ROBO2: variants seen among roughly 807,000 people sequenced by gnomAD.
ROBO2 encodes the protein roundabout guidance receptor 2.
In ROBO2, 53 loss-of-function variants were observed where a neutral mutation model predicts 160.8. The observed-to-expected ratio is 0.33, with a 90% CI of 0.26 to 0.41. The LOEUF (loss-of-function observed/expected upper bound fraction) is 0.41, where lower values mean the gene tolerates loss of function less well. Among genes scored for constraint, ROBO2 ranks in the 10% least tolerant of loss-of-function variants. The pLI, the probability that ROBO2 is intolerant of heterozygous loss-of-function variation, is 1.00. For missense variants in ROBO2, 1,577 were observed against 1,722.4 expected (o/e 0.92, Z 1.49); for synonymous variants, 664 against 611.7 (o/e 1.09, Z -1.26).
chr3:76,137,698 A>G (rs1462455554), intron 2 of ROBO2, among the ~76,000 whole-genome samples: 1 of 151,806 alleles, frequency 6.6e-6, no homozygotes, highest in Non-Finnish European at 1.5e-5. Flanking sequence ...ATAGGACAGA[A>G]TCTTTATTAT....
In ROBO2 at chr3:76,159,839, T is replaced by C. The variant is rs1309291024; in HGVS notation, c.109+222237T>C. Among the ~76,000 whole-genome samples the C allele has an allele frequency of 1.1e-4, 17 of 152,210 alleles. No homozygotes were observed. In the South Asian group the frequency reaches 3.3e-3, roughly 30 times the overall value. On this transcript the variant is annotated intron_variant, in intron 2 of 26. Transcript: ENST00000487694. ...ATGTAGTCTTTTTTAGATTGTTAAC[T>C]AAAGAAAAATGGTGGCCTTTAAAGA...
intron 2 of ROBO2, among the ~76,000 whole-genome samples, chr3:76,042,226 G>T (rs946768742): frequency 6.6e-6 from 1 of 151,868 alleles, no homozygotes; most frequent in South Asian, 2.1e-4. Context: ...ACATAATTTT[G>T]AAGAAATGAA....
intron 2 of ROBO2, among the ~76,000 whole-genome samples, chr3:76,123,775 A>G (rs2070850584): frequency 1.3e-5 from 2 of 152,066 alleles, no homozygotes; most frequent in Non-Finnish European, 2.9e-5. Context: ...TCTCTGGTGT[A>G]TTAGCTTCGT....
intron 2 of ROBO2, among the ~76,000 whole-genome samples, chr3:76,485,195 A>G (rs967902232): frequency 3.9e-5 from 6 of 152,026 alleles, no homozygotes; most frequent in African/African-American, 1.2e-4. Context: ...ATAATGTACA[A>G]TCAGTCGGAG....
intron 2 of ROBO2, among the ~76,000 whole-genome samples, chr3:77,193,895 A>G (rs2082095188): frequency 6.6e-6 from 1 of 152,164 alleles, no homozygotes; most frequent in Non-Finnish European, 1.5e-5. Context: ...GTATAGTGCT[A>G]CTAGGAATTA....
At chr3:76,016,556 T>C (rs914839294) in intron 2 of ROBO2, among the ~76,000 whole-genome samples, 47 of 152,054 alleles carry the variant, frequency 3.1e-4, no homozygotes, top group African/African-American at 1.1e-3. Flanking sequence ...GAAAGAGTTA[T>C]GGATATTTAC....
chr3:76,393,971 T>C (rs1360717924), intron 2 of ROBO2, among the ~76,000 whole-genome samples: 2 of 152,158 alleles, frequency 1.3e-5, no homozygotes, highest in Non-Finnish European at 2.9e-5. Context: ...TCGTTTTCCA[T>C]TTGCTTGGTA....
At chr3:75,979,849 A>G (rs1465895283) in intron 2 of ROBO2, among the ~76,000 whole-genome samples, 1 of 151,578 alleles carries the variant, frequency 6.6e-6, no homozygotes, top group Non-Finnish European at 1.5e-5. Context: ...CCTTTAATCC[A>G]ATATTTAGGA....
chr3:76,820,496 A>G (rs2066028115), intron 2 of ROBO2, among the ~76,000 whole-genome samples: 2 of 151,968 alleles, frequency 1.3e-5, no homozygotes, highest in South Asian at 4.1e-4. Flanking sequence ...ATTTATAGCC[A>G]TCCTGGTAGG....
intron 2 of ROBO2, among the ~76,000 whole-genome samples, chr3:76,086,846 TAAAAAAGA>T (rs2069034584): frequency 1.3e-5 from 2 of 151,940 alleles, no homozygotes; most frequent in African/African-American, 4.8e-5. Context: ...ATGAAAATTA[TAAAAAAGA>T]ATCAAAAAGA....
At chr3:77,057,805 G>A (rs999601504) in intron 1 of ROBO2, among the ~76,000 whole-genome samples, 3 of 151,694 alleles carry the variant, frequency 2.0e-5, no homozygotes, top group Non-Finnish European at 4.4e-5. Context: ...TCCTGACCTC[G>A]TGATCCACCC....
At chr3:77,556,692 C>A (rs1197504040) in intron 8 of ROBO2, among the ~76,000 whole-genome samples, 1 of 151,840 alleles carries the variant, frequency 6.6e-6, no homozygotes, top group African/African-American at 2.4e-5. Flanking sequence ...GTATACATTG[C>A]AATACAAGGT....
intron 2 of ROBO2, among the ~76,000 whole-genome samples, chr3:76,822,000 T>C (rs952394092): frequency 2.6e-5 from 4 of 152,146 alleles, no homozygotes. Context: ...AGTTTTATGT[T>C]TCCAAATTAG....
At chr3:77,518,155 A>G (rs2090215933) in intron 5 of ROBO2, among the ~76,000 whole-genome samples, 1 of 151,480 alleles carries the variant, frequency 6.6e-6, no homozygotes, top group African/African-American at 2.4e-5. Flanking sequence ...TCATATATAG[A>G]AGATCTTCTA....
intron 2 of ROBO2, among the ~76,000 whole-genome samples, chr3:75,940,225 C>A (rs561278196): frequency 5.9e-5 from 9 of 152,138 alleles, no homozygotes; most frequent in African/African-American, 2.2e-4. Flanking sequence ...AGACAAAAAA[C>A]GATTTAACGA....
At chr3:77,445,860 A>G (rs2080451164) in intron 2 of ROBO2, among the ~76,000 whole-genome samples, 2 of 148,730 alleles carry the variant, frequency 1.3e-5, no homozygotes, top group South Asian at 2.1e-4. Context: ...AAACCACAGG[A>G]ATTCCATTTT....
intron 2 of ROBO2, among the ~76,000 whole-genome samples, chr3:77,263,804 T>C (rs2058938012): frequency 6.6e-6 from 1 of 152,206 alleles, no homozygotes; most frequent in Non-Finnish European, 1.5e-5. Flanking sequence ...TTTCTGTCTT[T>C]AAAGTTAGAA....
At chr3:77,183,937 GCTGTCTTTAAC>G (rs1325665161) in intron 2 of ROBO2, among the ~76,000 whole-genome samples, 1 of 152,016 alleles carries the variant, frequency 6.6e-6, no homozygotes, top group Non-Finnish European at 1.5e-5. Flanking sequence ...CAATTTTTCT[GCTGTCTTTAAC>G]CACCATATAT....
intron 17 of ROBO2, among the ~76,000 whole-genome samples, chr3:77,594,938 G>C (rs999802154): frequency 6.6e-6 from 1 of 152,130 alleles, no homozygotes; most frequent in African/African-American, 2.4e-5. Flanking sequence ...ATTTGAAAAT[G>C]TCCTATTAAA....
Sources: allele counts gnomAD v4.1 joint callset (sites outside exome capture counted in the v4.1 genomes callset), GRCh38; gene constraint gnomAD v4.1.1; transcripts MANE v1.5; gene names NCBI Gene and HGNC (gene_info 2026-07-23, HGNC 2026-07-21).